The following CNTN6 variants were observed in gnomAD, a reference collection of about 807,000 sequenced individuals.
CNTN6 encodes the protein contactin-6.
In CNTN6, 137 loss-of-function variants were observed where a neutral mutation model predicts 122.8. That is an observed-to-expected ratio of 1.12 (90% CI 0.97 to 1.29). The LOEUF (loss-of-function observed/expected upper bound fraction) is 1.29. CNTN6 is among the 50% of genes most tolerant of loss of function. The pLI is 0.00. For missense variants in CNTN6, 1,634 were observed against 1,223.4 expected (o/e 1.34, Z -5.01); for synonymous variants, 570 against 426.0 (o/e 1.34, Z -4.16).
chr3:1,331,033 A>T (rs1451256033), intron 11 of CNTN6, among the ~76,000 whole-genome samples: 1 of 151,882 alleles, frequency 6.6e-6, no homozygotes, highest in African/African-American at 2.4e-5. Context: ...TCATTTTATC[A>T]CTTCTAATCC....
intron 7 of CNTN6, among the ~76,000 whole-genome samples, chr3:1,303,900 C>T (rs1697876089): frequency 6.6e-6 from 1 of 152,128 alleles, no homozygotes; most frequent in South Asian, 2.1e-4. Flanking sequence ...CAACTGAATG[C>T]TTCAAATGTT....
chr3:1,318,297 T>C (rs1188715024), intron 7 of CNTN6, among the ~76,000 whole-genome samples: 1 of 140,156 alleles, frequency 7.1e-6, no homozygotes, highest in Non-Finnish European at 1.5e-5. Context: ...TCATGGTTTT[T>C]CACAATGGTT....
rs1405751863 is a variant in CNTN6, at chr3:1,256,759, G to A, written c.359-21654G>A. Among the ~76,000 whole-genome samples, 5 of 152,048 alleles carry A rather than the reference G, an allele frequency of 3.3e-5. No homozygotes were observed. In the East Asian group the frequency reaches 7.7e-4, roughly 23 times the overall value. On this transcript the variant is annotated intron_variant, in intron 4 of 22. Coordinates refer to ENST00000446702, the MANE Select transcript of CNTN6 (RefSeq NM_001289080.2). ...GGTTTTAAATGGCTACATATCATCT[G>A]ATTATATGTCTTTACCATAATTATT...
At chr3:1,245,275 A>AT (rs2094557967) in intron 4 of CNTN6, among the ~76,000 whole-genome samples, 3 of 4,588 alleles carry the variant, frequency 6.5e-4, no homozygotes, top group Non-Finnish European at 7.1e-4. Context: ...ATATATATAT[A>AT]CACACACATA....
intron 11 of CNTN6, among the ~76,000 whole-genome samples, chr3:1,336,353 A>AT (rs935718216): frequency 3.3e-5 from 5 of 151,944 alleles, no homozygotes; most frequent in African/African-American, 9.7e-5. Flanking sequence ...ATTGTCACCG[A>AT]TTATATGATT....
chr3:1,297,198 C>A (rs780119539), intron 6 of CNTN6, among the ~76,000 whole-genome samples: 2 of 151,852 alleles, frequency 1.3e-5, no homozygotes, highest in African/African-American at 2.4e-5. Flanking sequence ...ATATTGACCA[C>A]CAACAATGTA....
chr3:1,373,525 GT>G, intron 14 of CNTN6, 78 bp from the exon 15 acceptor site: 1 of 1,378,702 alleles, frequency 7.3e-7, no homozygotes, highest in Non-Finnish European at 1.0e-6. Flanking sequence ...AGCACAACAG[GT>G]AAAAATAAAC....
chr3:1,286,337 T>G (rs960422112), intron 5 of CNTN6, among the ~76,000 whole-genome samples: 10 of 152,260 alleles, frequency 6.6e-5, no homozygotes, highest in Admixed American at 5.2e-4. Context: ...CCTAATGCTA[T>G]CCCTCCCTTA....
intron 2 of CNTN6, among the ~76,000 whole-genome samples, chr3:1,183,261 G>A (rs1199220139): frequency 2.0e-5 from 3 of 152,182 alleles, no homozygotes; most frequent in South Asian, 2.1e-4. Context: ...CTGTGAATCC[G>A]AAGCTATCAT....
In CNTN6 at chr3:1,387,456, CAAATCCGAATGA is replaced by C. The variant is rs564343536; in HGVS notation, c.2704+1665_2704+1676del. On this transcript the variant is annotated intron_variant, in intron 20 of 22. Coordinates refer to ENST00000446702, the MANE Select transcript of CNTN6 (RefSeq NM_001289080.2). ...GGTTTAGCTTCTTTCAGCTAATCTGCAAATCCGAATGAAAATCTCCAATCAATCAGCAGTTTT... is the reference window on the plus strand; with the variant it reads ...GGTTTAGCTTCTTTCAGCTAATCTGCAAATCTCCAATCAATCAGCAGTTTT... 5.9e-5 allele frequency among the ~76,000 whole-genome samples: 9 copies of C among 152,294 alleles called. No individual in the cohort carries two copies. In the South Asian group the frequency reaches 1.9e-3, roughly 32 times the overall value.
intron 2 of CNTN6, among the ~76,000 whole-genome samples, chr3:1,169,315 G>A (rs530090772): frequency 6.6e-6 from 1 of 152,272 alleles, no homozygotes; most frequent in South Asian, 2.1e-4. Context: ...AGAGGCTGTG[G>A]TCAGGTGTGG....
intron 4 of CNTN6, among the ~76,000 whole-genome samples, chr3:1,266,113 G>C (rs1041608520): frequency 6.6e-6 from 1 of 151,358 alleles, no homozygotes; most frequent in Non-Finnish European, 1.5e-5. Flanking sequence ...TTATCTCTCA[G>C]GGTTACTATC....
chr3:1,354,359 C>A (rs1217391093), intron 12 of CNTN6, among the ~76,000 whole-genome samples: 4 of 128,460 alleles, frequency 3.1e-5, no homozygotes, highest in African/African-American at 5.9e-5. Context: ...ATCAAGATAG[C>A]TCAGTTAACA....
At chr3:1,235,956 C>G (rs2094416211) in intron 4 of CNTN6, among the ~76,000 whole-genome samples, 1 of 151,972 alleles carries the variant, frequency 6.6e-6, no homozygotes, top group African/African-American at 2.4e-5. Flanking sequence ...CCCTCACTTC[C>G]CTGGTGAACT....
At chr3:1,294,707 A>G (rs1410372670) in intron 5 of CNTN6, among the ~76,000 whole-genome samples, 1 of 152,166 alleles carries the variant, frequency 6.6e-6, no homozygotes, top group Non-Finnish European at 1.5e-5. Flanking sequence ...CTCCTCCGTC[A>G]CTTGGATAGC....
At chr3:1,391,569 A>G (rs1471202343) in intron 20 of CNTN6, among the ~76,000 whole-genome samples, 4 of 146,374 alleles carry the variant, frequency 2.7e-5, no homozygotes, top group African/African-American at 1.0e-4. Flanking sequence ...ATTAGGCAGG[A>G]GAAGGAAATA....
chr3:1,397,103 A>G (rs1160980218), intron 20 of CNTN6, among the ~76,000 whole-genome samples: 4 of 152,214 alleles, frequency 2.6e-5, no homozygotes, highest in East Asian at 3.9e-4. Flanking sequence ...CTCAAGAGAT[A>G]GTGCCTCCCA....
intron 2 of CNTN6, among the ~76,000 whole-genome samples, chr3:1,157,276 G>A (rs1049737512): frequency 6.6e-6 from 1 of 151,788 alleles, no homozygotes; most frequent in Admixed American, 6.6e-5. Context: ...GGAGTGCGGT[G>A]GCACGATTCT....
At chr3:1,103,647 A>G (rs1225340716) in intron 1 of CNTN6, among the ~76,000 whole-genome samples, 2 of 152,246 alleles carry the variant, frequency 1.3e-5, no homozygotes, top group African/African-American at 2.4e-5. Context: ...GCGTAGTTCA[A>G]CATAGGAAGC....
Sources: gnomAD v4.1 joint callset for allele counts (sites outside exome capture counted in the v4.1 genomes callset) on GRCh38, gnomAD v4.1.1 for gene constraint, MANE v1.5 for transcripts, NCBI Gene and HGNC (gene_info 2026-07-23, HGNC 2026-07-21) for gene names.